The following PNISR variants were observed in gnomAD, a reference collection of about 807,000 sequenced individuals.
The protein encoded by PNISR is arginine/serine-rich protein PNISR.
Under a neutral mutation model 93.4 loss-of-function variants are expected in PNISR, and 20 were observed. The ratio of observed to expected loss-of-function variants is 0.21; its 90% CI spans 0.15 to 0.31. The LOEUF is 0.31. PNISR is among the 10% of genes least tolerant of loss of function. The pLI, the probability that PNISR is intolerant of heterozygous loss-of-function variation, is 1.00. For synonymous variants in PNISR, 305 were observed against 306.5 expected, an observed-to-expected ratio of 0.99 and a Z score of 0.05; for missense variants, 893 against 985.4, an observed-to-expected ratio of 0.91 and a Z score of 1.25.
rs1024026854 is a variant in PNISR at position 99,401,475 on chromosome 6, G to A, written c.1483C>T (p.Pro495Ser). Residue 495 changes from proline (P) to serine (S), a missense_variant, in exon 12 of 12, where the codon CCA becomes TCA. This residue lies in a region of PNISR where 866 missense variants were observed against 935.1 expected (regional missense o/e 0.93). Transcript: ENST00000369239. Reference sequence around the variant, plus strand: ...TCTTTTTCTTTATGCTCTTTTTTTGGTTCTAAAACTGATGTGGTTTCATTT... The same window carrying A: ...TCTTTTTCTTTATGCTCTTTTTTTGATTCTAAAACTGATGTGGTTTCATTT... Reference protein sequence around the residue: ...TPNETTSVLEPKKEHKEKEKQ... With the variant: ...TPNETTSVLESKKEHKEKEKQ... The A allele has an allele frequency of 6.2e-7, 1 of 1,611,086 alleles. No homozygotes were observed. Among genetic ancestry groups the A allele is most frequent in the Non-Finnish European group, 8.5e-7 (1 of 1,179,188 alleles).
chr6:99,421,410 T>G (rs139025959), intron 1 of PNISR, among the ~76,000 whole-genome samples: 52 of 152,324 alleles, frequency 3.4e-4, no homozygotes, highest in East Asian at 1.2e-3. Flanking sequence ...TACTTGTGAG[T>G]ATGTCCTTAT....
intron 7 of PNISR, among the ~76,000 whole-genome samples, 163 bp from the exon 8 acceptor site, chr6:99,406,331 T>G (rs1252401590): frequency 6.6e-6 from 1 of 152,238 alleles, no homozygotes. Flanking sequence ...ATTTGATAAT[T>G]TAAAAAGTAT....
chr6:99,406,801 C>G (rs1299077413), intron 7 of PNISR, among the ~76,000 whole-genome samples: 1 of 152,138 alleles, frequency 6.6e-6, no homozygotes, highest in African/African-American at 2.4e-5. Context: ...GCATGTGACC[C>G]TTTCCTTTGT....
chr6:99,404,521 C>G, intron 9 of PNISR, 82 bp downstream of exon 9: 1 of 774,962 alleles, frequency 1.3e-6, no homozygotes, highest in South Asian at 1.4e-5. Flanking sequence ...AGAAATCCAA[C>G]AAGGACAACA....
rs138164426 is a variant in PNISR at position 99,409,322 on chromosome 6, G to C, written c.524C>G (p.Pro175Arg). 3 of 1,613,700 alleles carry C rather than the reference G, an allele frequency of 1.9e-6. No individual in the cohort carries two copies. Among genetic ancestry groups the C allele is most frequent in the South Asian group, 1.1e-5 (1 of 91,066 alleles). ...ATAAGGAGGATGAAATCCACCTTGCGGTGGACCAAAAGCAGCCCCATGCTG... is the reference window on the plus strand; with the variant it reads ...ATAAGGAGGATGAAATCCACCTTGCCGTGGACCAAAAGCAGCCCCATGCTG... Reference protein sequence around the residue: ...DYQHGAAFGPPQGGFHPPYWQ... With the variant: ...DYQHGAAFGPRQGGFHPPYWQ... Residue 175 changes from proline (P) to arginine (R), a missense_variant, in exon 6 of 12, where the codon CCG becomes CGG. Coordinates refer to ENST00000369239, the MANE Select transcript of PNISR (RefSeq NM_032870.4).
chr6:99,402,500 C>T lies in PNISR; in HGVS notation c.1327+40G>A, dbSNP rs113401004. The T allele has an allele frequency of 6.9e-3, 9,718 of 1,414,184 alleles. 534 individuals are homozygous for T. In the African/African-American group the frequency reaches 0.12, roughly 18 times the overall value. 87.6% of individuals were successfully genotyped at this position (1,414,184 alleles called of 1,614,324 possible). ...GTTAGTTAAAAAATAAAAAGAAATACAAAACTGGACCAAAATTAAGTCTAA... is the reference window on the plus strand; with the variant it reads ...GTTAGTTAAAAAATAAAAAGAAATATAAAACTGGACCAAAATTAAGTCTAA... On this transcript the variant is annotated intron_variant, in intron 11 of 11. Coordinates refer to ENST00000369239, the MANE Select transcript of PNISR (RefSeq NM_032870.4).
chr6:99,417,455 A>G (rs933864103), intron 1 of PNISR, among the ~76,000 whole-genome samples: 3 of 152,228 alleles, frequency 2.0e-5, no homozygotes, highest in Admixed American at 6.5e-5. Context: ...TGGTGTGAAC[A>G]TAAGTAAATT....
At chr6:99,424,331 A>G (rs1011659857) in intron 1 of PNISR, among the ~76,000 whole-genome samples, 4 of 152,232 alleles carry the variant, frequency 2.6e-5, no homozygotes, top group African/African-American at 9.6e-5. Context: ...ATAAGAAGAT[A>G]AACTGTGTGT....
Position 99,421,441 on chromosome 6 carries a change from G to A in PNISR, c.-112+3774C>T, listed in dbSNP as rs116893325. On this transcript the variant is annotated intron_variant, in intron 1 of 11. Coordinates refer to ENST00000369239, the MANE Select transcript of PNISR (RefSeq NM_032870.4). ...CTTATTTGTAAATAGGGTCTTTGCA[G>A]ATGTATTCAAATTACAGTGAGTTCA... is the stretch of plus-strand genomic sequence containing the variant. Among the ~76,000 whole-genome samples, 16 of 152,284 alleles carry A rather than the reference G, an allele frequency of 1.1e-4. No individual in the cohort carries two copies. The East Asian group carries it at 2.7e-3, about 26-fold the overall frequency.
Position 99,409,342 on chromosome 6 carries a change from A to G in PNISR, c.504T>C (p.His168=), listed in dbSNP as rs1359333350. Residue 168 remains histidine, a splice_region_variant and synonymous_variant, in exon 6 of 12, where the codon CAT becomes CAC. Coordinates refer to ENST00000369239, the MANE Select transcript of PNISR (RefSeq NM_032870.4). The part of the protein sequence containing the change: ...VGPVNQFDYQ[H]GAAFGPPQGG... ...CTTGCGGTGGACCAAAAGCAGCCCC[A>G]TGCTGAAAGAGTATTGCAGTTTATT... 7 of 1,613,328 alleles carry G rather than the reference A, an allele frequency of 4.3e-6. No homozygotes were observed. The highest frequency in any genetic ancestry group is 5.9e-6 in the Non-Finnish European group (7 of 1,179,778).
At position 99,401,290 on chromosome 6, in the gene PNISR, C is replaced by CT; in HGVS notation, c.1667dup (p.Arg557GlufsTer4). 1 of 1,614,048 alleles carries CT rather than the reference C, an allele frequency of 6.2e-7. No homozygotes were observed. Among genetic ancestry groups the CT allele is most frequent in the Non-Finnish European group, 8.5e-7 (1 of 1,179,972 alleles). ...TTGGAGATCTACTCCTACTGTGTCT[C>CT]TTTTTCCTTTTAGGAGAAGAAGACC... On this transcript the variant is annotated frameshift_variant, in exon 12 of 12. Transcript: ENST00000369239. LOFTEE classifies it high-confidence loss of function.
At chr6:99,416,873 G>A (rs950216261) in intron 1 of PNISR, among the ~76,000 whole-genome samples, 1 of 152,142 alleles carries the variant, frequency 6.6e-6, no homozygotes, top group African/African-American at 2.4e-5. Context: ...AAATGGTTTA[G>A]TTTCCTTTTT....
chr6:99,403,705 C>T (rs1486179721), intron 10 of PNISR, 124 bp downstream of exon 10: 3 of 613,420 alleles, frequency 4.9e-6, no homozygotes, highest in Non-Finnish European at 8.3e-6. Flanking sequence ...GATGACATAA[C>T]CCTAAGACCT....
chr6:99,404,663 C>T lies in PNISR; in HGVS notation c.1042G>A (p.Asp348Asn). ...TKMLLTEILL[D>N]VTDEEIYYVA... The stretch of plus-strand genomic sequence containing the variant: ...TAATAAATTTCTTCATCTGTGACAT[C>T]CAGCAGAATTTCTGTTAGAAGCATT... Residue 348 changes from aspartate to asparagine, a missense_variant, in exon 9 of 12, where the codon GAT becomes AAT. Coordinates refer to ENST00000369239, the MANE Select transcript of PNISR (RefSeq NM_032870.4). 6.2e-7 allele frequency: 1 copy of T among 1,605,248 alleles called. No homozygotes were observed. Among genetic ancestry groups the T allele is most frequent in the African/African-American group, 1.3e-5 (1 of 74,864 alleles).
At chr6:99,404,493 A>C (rs761436607) in intron 9 of PNISR, 110 bp downstream of exon 9, 1 of 731,332 alleles carries the variant, frequency 1.4e-6, no homozygotes, top group Non-Finnish European at 2.6e-6. Context: ...CATGCAAGAG[A>C]ATATTCAAAT....
intron 3 of PNISR, among the ~76,000 whole-genome samples, chr6:99,413,682 T>C (rs994189904): frequency 6.6e-6 from 1 of 152,206 alleles, no homozygotes; most frequent in Admixed American, 6.5e-5. Context: ...ATTTTTATTT[T>C]GCAAGTCCAC....
rs757675220 is a variant in PNISR, at chr6:99,408,245, C to T, written c.700G>A (p.Ala234Thr). ...IDAVKRRTLP[A>T]WIREGLEKME... is the part of the protein sequence containing the mutation. ...TTTTCAAGACCTTCGCGAATCCAAG[C>T]GGGAAGAGTCCTGCGTTTTACTGCG... is the stretch of plus-strand genomic sequence containing the variant. Residue 234 changes from alanine (A) to threonine (T), a missense_variant, in exon 7 of 12, where the codon GCT becomes ACT. Physicochemically the swap from Ala to Thr is moderately conservative, Grantham distance 58. Around this residue, in one of 3 missense-constraint regions of PNISR, gnomAD observed 866 missense variants for 935.1 expected, o/e 0.93. Coordinates refer to ENST00000369239, the MANE Select transcript of PNISR (RefSeq NM_032870.4). 2.3e-5 allele frequency: 37 copies of T among 1,612,352 alleles called. No homozygotes were observed. The highest frequency in any genetic ancestry group is 3.3e-5 in the Admixed American group (2 of 59,740).
At position 99,400,286 on chromosome 6, in the gene PNISR, G is replaced by A. The variant is rs1775291600; in HGVS notation, c.*254C>T. On this transcript the variant is annotated 3_prime_UTR_variant, in exon 12 of 12. Transcript: ENST00000369239. ...CATTCTTGCCACATCATTCCTCAGC[G>A]TTTACGACGGGGAGGGGTTGTTGAT... The A allele has an allele frequency of 4.0e-6, 4 of 1,012,468 alleles. No individual in the cohort carries two copies. The highest frequency in any genetic ancestry group is 5.2e-5 in the Admixed American group (1 of 19,200). The allele number at this position is 1,012,468 out of a possible 1,614,324, so 62.7% of individuals were successfully genotyped here. A position where few individuals can be genotyped will look rare whatever the true frequency, so the allele number is the denominator to read the frequency against.
Position 99,401,440 on chromosome 6 carries a change from T to G in PNISR, c.1518A>C (p.Gly506=). 1 of 1,608,022 alleles carries G rather than the reference T, an allele frequency of 6.2e-7. No homozygotes were observed. Among genetic ancestry groups the G allele is most frequent in the Non-Finnish European group, 8.5e-7 (1 of 1,176,890 alleles). ...TACTAGAACTTCCCGACCTACTCCT[T>G]CCTTGTTTTTCTTTTTCTTTATGCT... ...KKEHKEKEKQ[G]RSRSGSSSSG... The change falls in exon 12 of 12, where the codon GGA becomes GGC. Residue 506 remains glycine (G), a synonymous_variant. Transcript: ENST00000369239.
Sources: allele counts gnomAD v4.1 joint callset (sites outside exome capture counted in the v4.1 genomes callset), GRCh38; gene constraint gnomAD v4.1.1; regional missense constraint gnomAD v4.1.1; transcripts MANE v1.5; gene names NCBI Gene and HGNC (gene_info 2026-07-23, HGNC 2026-07-21).